The following ESRP1 variants were observed in gnomAD, a reference collection of about 807,000 sequenced individuals.
ESRP1 encodes the protein RNA-binding motif protein 35A.
A neutral mutation model predicts 81.7 loss-of-function variants in ESRP1; 33 were observed. The ratio of observed to expected loss-of-function variants is 0.40; its 90% confidence interval spans 0.31 to 0.54. The LOEUF is 0.54. Among genes scored for constraint, ESRP1 ranks in the 20% least tolerant of loss-of-function variants. The pLI is 0.41. For missense variants in ESRP1, 672 were observed against 833.1 expected (o/e 0.81, Z 2.38); for synonymous variants, 320 against 303.3 (o/e 1.06, Z -0.57).
intron 4 of ESRP1, among the ~76,000 whole-genome samples, chr8:94,661,860 A>G (rs1818764072): frequency 6.6e-6 from 1 of 152,238 alleles, no homozygotes; most frequent in African/African-American, 2.4e-5. Context: ...GCCAAAAAAA[A>G]AGTCATTTAA....
At chr8:94,643,470 G>A (rs535596755) in intron 3 of ESRP1, 54 bp downstream of exon 3, 2 of 1,258,992 alleles carry the variant, frequency 1.6e-6, no homozygotes, top group Middle Eastern at 1.9e-4. Context: ...GGTGACTGGA[G>A]GTTTTTAAAA....
At chr8:94,701,173 G>T (rs554747187) in intron 15 of ESRP1, among the ~76,000 whole-genome samples, 4 of 151,246 alleles carry the variant, frequency 2.6e-5, no homozygotes, top group East Asian at 1.9e-4. Context: ...TACTCAGAAG[G>T]CTGAGGCAGG....
chr8:94,693,072 T>A (rs1225814302), intron 14 of ESRP1, among the ~76,000 whole-genome samples: 1 of 152,226 alleles, frequency 6.6e-6, no homozygotes, highest in Non-Finnish European at 1.5e-5. Context: ...TGTTGGTTAT[T>A]TTTTGAAAAG....
chr8:94,693,013 T>C (rs1311742670), intron 14 of ESRP1, among the ~76,000 whole-genome samples, 186 bp downstream of exon 14: 1 of 130,346 alleles, frequency 7.7e-6, no homozygotes, highest in African/African-American at 2.8e-5. Context: ...CATCCCCTTG[T>C]CAGAAATTAA....
intron 13 of ESRP1, among the ~76,000 whole-genome samples, chr8:94,685,927 G>A (rs1371753744): frequency 6.6e-6 from 1 of 152,116 alleles, no homozygotes; most frequent in Non-Finnish European, 1.5e-5. Flanking sequence ...TTTACATTGT[G>A]CTTGGAAAAA....
chr8:94,696,069 A>G (rs940429114), intron 14 of ESRP1, among the ~76,000 whole-genome samples: 2 of 152,194 alleles, frequency 1.3e-5, no homozygotes, highest in African/African-American at 4.8e-5. Context: ...TCTCAAAACA[A>G]ACAAACAAAA....
intron 2 of ESRP1, among the ~76,000 whole-genome samples, chr8:94,642,328 G>A (rs1292621607): frequency 6.6e-6 from 1 of 152,234 alleles, no homozygotes; most frequent in East Asian, 1.9e-4. Flanking sequence ...TGCTTCCTGA[G>A]TAGTTACTGG....
At chr8:94,645,452 A>G (rs1464662496) in intron 3 of ESRP1, among the ~76,000 whole-genome samples, 2 of 151,870 alleles carry the variant, frequency 1.3e-5, no homozygotes, top group East Asian at 3.8e-4. Context: ...AGGAAACAAT[A>G]GTGTAATATT....
rs192687375 is a variant in ESRP1 at position 94,681,753 on chromosome 8, A to G, written c.1820+3382A>G. The stretch of plus-strand genomic sequence containing the variant: ...GGGGTTCAAGACCAGCCTGGCCAAT[A>G]TGGTGAAACCCCACCTCTACTAATA... On this transcript the variant is annotated intron_variant, in intron 13 of 15. Coordinates refer to ENST00000433389, the MANE Select transcript of ESRP1 (RefSeq NM_017697.4). 9.7e-4 allele frequency among the ~76,000 whole-genome samples: 148 copies of G among 152,342 alleles called. 1 individual carries two copies. The highest frequency in any genetic ancestry group is 1.8e-3 in the Admixed American group (28 of 15,304).
intron 4 of ESRP1, among the ~76,000 whole-genome samples, chr8:94,661,266 T>C (rs866990391): frequency 6.6e-6 from 1 of 152,144 alleles, no homozygotes; most frequent in Non-Finnish European, 1.5e-5. Flanking sequence ...GGTCTCGAAC[T>C]CCTGGTCTCA....
intron 11 of ESRP1, among the ~76,000 whole-genome samples, chr8:94,672,678 G>A (rs1819386085): frequency 6.6e-6 from 1 of 151,976 alleles, no homozygotes; most frequent in South Asian, 2.1e-4. Context: ...GATTACAGGT[G>A]CCCACCACCA....
intron 9 of ESRP1, among the ~76,000 whole-genome samples, chr8:94,666,550 T>C (rs564971187): frequency 2.0e-4 from 31 of 152,370 alleles, no homozygotes; most frequent in African/African-American, 7.0e-4. Flanking sequence ...TATATGAAGA[T>C]GACTTTCACT....
At position 94,641,804 on chromosome 8, in the gene ESRP1, C is replaced by T. The variant is rs115101064; in HGVS notation, c.133-152C>T. ...TGGGGGGTGGGGCGGGGGGCAGGAA[C>T]GCACCGGAACCGATGGCGAGTCGAG... On this transcript the variant is annotated intron_variant, in intron 1 of 15. Transcript: ENST00000433389. 4.5e-3 allele frequency: 5,546 copies of T among 1,244,240 alleles called. 209 individuals carry two copies. In the African/African-American group the frequency reaches 0.074, roughly 17 times the overall value. 77.1% of individuals were successfully genotyped at this position (1,244,240 alleles called of 1,614,324 possible).
rs988291939 is a variant in ESRP1, at chr8:94,703,628, G to A, written c.*36-2297G>A. Among the ~76,000 whole-genome samples, 4 of 152,170 alleles carry A rather than the reference G, an allele frequency of 2.6e-5. No homozygotes were observed. The East Asian group carries it at 7.7e-4, about 29-fold the overall frequency. ...TAAATGTGATAGGAATGAAGAAGTT[G>A]GTACTCACTGACTCTAATAACTGAC... On this transcript the variant is annotated intron_variant, in intron 15 of 15. Transcript: ENST00000433389.
intron 4 of ESRP1, among the ~76,000 whole-genome samples, chr8:94,649,336 C>G (rs1817999418): frequency 6.6e-6 from 1 of 152,112 alleles, no homozygotes; most frequent in Admixed American, 6.5e-5. Flanking sequence ...TGTTTGCCAC[C>G]ATATCCTGGC....
intron 4 of ESRP1, among the ~76,000 whole-genome samples, chr8:94,659,171 G>T (rs181725933): frequency 6.6e-6 from 1 of 152,034 alleles, no homozygotes; most frequent in East Asian, 1.9e-4. Flanking sequence ...GTGAGCCACC[G>T]TGTCTGGCCA....
At chr8:94,693,184 C>A (rs1809474319) in intron 14 of ESRP1, among the ~76,000 whole-genome samples, 1 of 152,114 alleles carries the variant, frequency 6.6e-6, no homozygotes, top group African/African-American at 2.4e-5. Context: ...AGTGTCAAAT[C>A]CTTGACTAAA....
chr8:94,696,761 A>G, intron 14 of ESRP1, 91 bp from the exon 15 acceptor site: 1 of 961,520 alleles, frequency 1.0e-6, no homozygotes. Flanking sequence ...AATGTCCTAT[A>G]CTTTTGTTGG....
rs1392928030 is a variant in ESRP1, at chr8:94,701,334, GA to G, written c.*35+4376del. ...ATGGCTGGCTATAGGATCAGGTAAA[GA>G]AAGCTAACACCCACAGCGAGGTCTG... On this transcript the variant is annotated intron_variant, in intron 15 of 15. Transcript: ENST00000433389. Among the ~76,000 whole-genome samples, 4 of 150,960 alleles carry G rather than the reference GA, an allele frequency of 2.6e-5. No homozygotes were observed. The East Asian group carries it at 7.8e-4, about 29-fold the overall frequency.
Sources: allele counts gnomAD v4.1 joint callset (sites outside exome capture counted in the v4.1 genomes callset), GRCh38; gene constraint gnomAD v4.1.1; transcripts MANE v1.5; gene names NCBI Gene and HGNC (gene_info 2026-07-23, HGNC 2026-07-21).